Variants in AGBL4 observed in about 807,000 individuals in gnomAD.
The protein encoded by AGBL4 is cytosolic carboxypeptidase 6.
AGBL4 carries 58 observed loss-of-function variants against 66.4 expected under a neutral mutation model. The observed-to-expected ratio is 0.87, with a 90% CI of 0.71 to 1.09. The LOEUF (loss-of-function observed/expected upper bound fraction) is 1.09. Among genes scored for constraint, AGBL4 ranks in the 50% least tolerant of loss-of-function variants. The pLI is 0.00. For synonymous variants in AGBL4, 234 were observed against 222.9 expected (o/e 1.05, Z -0.44); for missense variants, 579 against 631.0 (o/e 0.92, Z 0.88).
chr1:49,948,114 G>GTATA (rs1557608451), intron 1 of AGBL4, among the ~76,000 whole-genome samples: 3 of 76,626 alleles, frequency 3.9e-5, no homozygotes, highest in African/African-American at 1.5e-4. Flanking sequence ...ATATGTAAAT[G>GTATA]TATGTAAATA....
intron 5 of AGBL4, among the ~76,000 whole-genome samples, chr1:49,020,995 A>G (rs1183897354): frequency 6.6e-6 from 1 of 152,196 alleles, no homozygotes; most frequent in Admixed American, 6.5e-5. Flanking sequence ...GTCTGAGAGA[A>G]GACAAACTAG....
intron 2 of AGBL4, chr1:49,841,970 C>T (rs574580197): frequency 9.8e-6 from 5 of 511,456 alleles, no homozygotes; most frequent in Middle Eastern, 3.1e-4. Context: ...TACCTGGCCT[C>T]GTCCTTGCAC....
intron 2 of AGBL4, among the ~76,000 whole-genome samples, chr1:49,806,587 G>A (rs1314575231): frequency 6.6e-6 from 1 of 152,168 alleles, no homozygotes; most frequent in African/African-American, 2.4e-5. Flanking sequence ...AAATGAGAAA[G>A]CATGTTTGGG....
intron 5 of AGBL4, among the ~76,000 whole-genome samples, chr1:49,006,416 A>G (rs1276275689): frequency 6.6e-6 from 1 of 152,144 alleles, no homozygotes; most frequent in Non-Finnish European, 1.5e-5. Flanking sequence ...CAGCAGTCTG[A>G]GATCAAACTG....
At chr1:49,030,587 C>T (rs1664128133) in intron 5 of AGBL4, among the ~76,000 whole-genome samples, 2 of 151,950 alleles carry the variant, frequency 1.3e-5, no homozygotes, top group African/African-American at 4.8e-5. Flanking sequence ...AGTGCGAACC[C>T]TATTGTGAAC....
chr1:49,675,018 A>C (rs550675589), intron 3 of AGBL4, among the ~76,000 whole-genome samples: 1 of 152,276 alleles, frequency 6.6e-6, no homozygotes, highest in South Asian at 2.1e-4. Context: ...GTACTGTCTA[A>C]ACTGGAATTA....
intron 1 of AGBL4, chr1:49,996,347 G>T (rs1030310348): frequency 6.6e-6 from 1 of 152,000 alleles, no homozygotes; most frequent in Admixed American, 6.6e-5. Context: ...AATCCCCAGA[G>T]AAATAGATAG....
rs546345129 is a variant in AGBL4 at position 49,247,679 on chromosome 1, G to A, written c.283-1815C>T. Among the ~76,000 whole-genome samples, 3 of 152,124 alleles carry A rather than the reference G, an allele frequency of 2.0e-5. No homozygotes were observed. The East Asian group carries it at 5.8e-4, about 29-fold the overall frequency. Reference sequence around the variant, plus strand: ...GTTCTAGATTATTGATAAATACAGAGAGAAAGCTAATAAAGCAATGATGTA... The same window carrying A: ...GTTCTAGATTATTGATAAATACAGAAAGAAAGCTAATAAAGCAATGATGTA... On this transcript the variant is annotated intron_variant, in intron 3 of 13. Transcript: ENST00000371839.
At chr1:48,627,506 A>T (rs748490520) in intron 9 of AGBL4, among the ~76,000 whole-genome samples, 5 of 151,928 alleles carry the variant, frequency 3.3e-5, no homozygotes, top group African/African-American at 1.2e-4. Context: ...TCTGTTTGTC[A>T]AGTAAATGTG....
intron 3 of AGBL4, among the ~76,000 whole-genome samples, chr1:49,329,574 G>C (rs1414970525): frequency 3.3e-5 from 5 of 152,070 alleles, no homozygotes; most frequent in African/African-American, 1.2e-4. Context: ...GCTGAGGCAT[G>C]AGAATTGCTT....
chr1:49,051,182 A>G (rs192910064), intron 4 of AGBL4, among the ~76,000 whole-genome samples: 20 of 152,256 alleles, frequency 1.3e-4, no homozygotes, highest in Non-Finnish European at 1.2e-4. Context: ...ATTAGCAGAA[A>G]GGGACATAAT....
intron 1 of AGBL4, among the ~76,000 whole-genome samples, chr1:49,943,407 G>C (rs1225196512): frequency 6.6e-6 from 1 of 152,124 alleles, no homozygotes; most frequent in East Asian, 1.9e-4. Flanking sequence ...ACCCTCTAAA[G>C]GAAGCGGATT....
intron 4 of AGBL4, among the ~76,000 whole-genome samples, chr1:49,063,883 C>A (rs943854647): frequency 2.0e-4 from 30 of 152,202 alleles, no homozygotes; most frequent in Admixed American, 1.6e-3. Context: ...CATCTGCTAG[C>A]TGCCAGGAAC....
intron 6 of AGBL4, among the ~76,000 whole-genome samples, chr1:48,802,249 A>C (rs894842115): frequency 1.3e-5 from 2 of 151,938 alleles, no homozygotes; most frequent in African/African-American, 4.8e-5. Flanking sequence ...TTTCTCACTG[A>C]TTTTTGCCTG....
chr1:49,920,489 A>C (rs2148237953), intron 1 of AGBL4, among the ~76,000 whole-genome samples: 1 of 152,364 alleles, frequency 6.6e-6, no homozygotes, highest in East Asian at 1.9e-4. Flanking sequence ...CACATGAAAA[A>C]ATGCTCATCA....
chr1:48,749,919 T>A (rs933658076), intron 6 of AGBL4, among the ~76,000 whole-genome samples: 1 of 152,166 alleles, frequency 6.6e-6, no homozygotes, highest in Admixed American at 6.5e-5. Context: ...GTTGGGGGGC[T>A]AAGGAGTTGT....
chr1:49,016,540 A>C (rs1662838624), intron 5 of AGBL4, among the ~76,000 whole-genome samples: 2 of 152,180 alleles, frequency 1.3e-5, no homozygotes, highest in African/African-American at 4.8e-5. Context: ...AGCACATTCT[A>C]GCTGGGGCCA....
At chr1:49,438,603 G>C (rs1180923821) in intron 3 of AGBL4, among the ~76,000 whole-genome samples, 2 of 152,084 alleles carry the variant, frequency 1.3e-5, no homozygotes, top group Non-Finnish European at 2.9e-5. Context: ...CTCATCCCTG[G>C]TGCCCTACCA....
intron 2 of AGBL4, among the ~76,000 whole-genome samples, chr1:49,813,138 A>G (rs767624573): frequency 7.2e-5 from 11 of 152,168 alleles, no homozygotes; most frequent in Non-Finnish European, 1.3e-4. Flanking sequence ...AAAGCAGCCC[A>G]TAACCACTGT....
Sources: allele counts gnomAD v4.1 joint callset (sites outside exome capture counted in the v4.1 genomes callset), GRCh38; gene constraint gnomAD v4.1.1; transcripts MANE v1.5; gene names NCBI Gene and HGNC (gene_info 2026-07-23, HGNC 2026-07-21).